CDH13: variants seen among roughly 807,000 people sequenced by gnomAD.
CDH13 encodes cadherin-13.
In CDH13, 24 loss-of-function variants were observed where a neutral mutation model predicts 63.8. That is an observed-to-expected ratio of 0.38 (90% confidence interval 0.27 to 0.53). The LOEUF is 0.53. Among genes scored for constraint, CDH13 ranks in the 20% least tolerant of loss-of-function variants. The probability of loss-of-function intolerance (pLI) is 0.85; values close to 1 mark genes in which losing one functional copy is unlikely to be tolerated. For missense variants in CDH13, 1,049 were observed against 903.1 expected (o/e 1.16, Z -2.07); for synonymous variants, 503 against 355.3 (o/e 1.42, Z -4.67).
intron 6 of CDH13, among the ~76,000 whole-genome samples, chr16:83,356,151 G>T (rs554044484): frequency 1.3e-5 from 2 of 151,666 alleles, no homozygotes; most frequent in South Asian, 2.1e-4. Context: ...TAATTCCAAA[G>T]TTGCTACCTT....
At position 83,217,133 on chromosome 16, in the gene CDH13, T is replaced by A. The variant is rs528134249; in HGVS notation, c.484-212T>A. Among the ~76,000 whole-genome samples, 11 of 152,346 alleles carry A rather than the reference T, an allele frequency of 7.2e-5. No homozygotes were observed. In the South Asian group the frequency reaches 1.4e-3, roughly 20 times the overall value. On this transcript the variant is annotated intron_variant, in intron 4 of 13. Transcript: ENST00000567109. ...GTCACCCGAGTGCTGGTAAGCTTCC[T>A]CAGCTGCCAGCTGCAAAGACGTGGA...
At chr16:83,433,739 A>G (rs181710595) in intron 6 of CDH13, among the ~76,000 whole-genome samples, 7 of 152,324 alleles carry the variant, frequency 4.6e-5, no homozygotes, top group Non-Finnish European at 7.3e-5. Flanking sequence ...CCTTGAATGT[A>G]CCATTAGCTA....
At chr16:83,420,146 T>G (rs1336253679) in intron 6 of CDH13, among the ~76,000 whole-genome samples, 3 of 152,130 alleles carry the variant, frequency 2.0e-5, no homozygotes, top group Non-Finnish European at 4.4e-5. Context: ...AGAGCTAGGT[T>G]CCATAGATGC....
At chr16:83,530,482 G>A (rs891508775) in intron 7 of CDH13, among the ~76,000 whole-genome samples, 13 of 152,192 alleles carry the variant, frequency 8.5e-5, no homozygotes, top group Admixed American at 1.3e-4. Context: ...TGAGAGCACT[G>A]TGGCTCTGTC....
At chr16:83,317,823 A>C (rs2090138981) in intron 5 of CDH13, among the ~76,000 whole-genome samples, 1 of 151,378 alleles carries the variant, frequency 6.6e-6, no homozygotes, top group African/African-American at 2.4e-5. Context: ...AAAGGAATCC[A>C]GTCTGCCACA....
chr16:82,927,248 T>TG (rs1273940267), intron 2 of CDH13, among the ~76,000 whole-genome samples: 1 of 152,148 alleles, frequency 6.6e-6, no homozygotes, highest in Non-Finnish European at 1.5e-5. Context: ...TTATAGCAGT[T>TG]GGGGCAGTCA....
At chr16:82,654,425 C>T (rs1274811924) in intron 1 of CDH13, among the ~76,000 whole-genome samples, 3 of 152,154 alleles carry the variant, frequency 2.0e-5, no homozygotes, top group African/African-American at 7.2e-5. Flanking sequence ...GAAAACTTCT[C>T]TTGGTTCTCA....
intron 2 of CDH13, among the ~76,000 whole-genome samples, chr16:82,923,076 A>C (rs2042204418): frequency 6.6e-6 from 1 of 152,230 alleles, no homozygotes; most frequent in South Asian, 2.1e-4. Context: ...GTTGACATAG[A>C]GACTCAAAGA....
intron 3 of CDH13, among the ~76,000 whole-genome samples, chr16:83,082,519 A>G (rs965477303): frequency 2.0e-5 from 3 of 151,866 alleles, no homozygotes; most frequent in African/African-American, 7.3e-5. Flanking sequence ...TGTAATCCAA[A>G]CTATTTGGAA....
Position 83,748,251 on chromosome 16 carries a change from G to A in CDH13, c.1681+1G>A. 6.2e-7 allele frequency: 1 copy of A among 1,604,978 alleles called. No homozygotes were observed. Among genetic ancestry groups the A allele is most frequent in the Non-Finnish European group, 8.5e-7 (1 of 1,173,076 alleles). ...GCTCTCTTCCTGGCAATTGACAGTG[G>A]TGAGTACTTGACAAAGACCATCAAG... On this transcript the variant is annotated splice_donor_variant, in intron 11 of 13. Transcript: ENST00000567109. LOFTEE classifies it high-confidence loss of function.
intron 2 of CDH13, among the ~76,000 whole-genome samples, chr16:82,909,560 G>A (rs191264382): frequency 6.7e-6 from 1 of 149,468 alleles, no homozygotes; most frequent in South Asian, 2.1e-4. Context: ...CATGGCTGGG[G>A]AGACCTCACA....
intron 3 of CDH13, among the ~76,000 whole-genome samples, chr16:83,038,642 G>A (rs1268244793): frequency 6.6e-6 from 1 of 152,166 alleles, no homozygotes; most frequent in Non-Finnish European, 1.5e-5. Flanking sequence ...AGTGGATGAG[G>A]GGTCTGCGTG....
intron 1 of CDH13, among the ~76,000 whole-genome samples, chr16:82,852,559 T>C (rs376652847): frequency 4.5e-4 from 69 of 152,340 alleles, no homozygotes; most frequent in African/African-American, 1.6e-3. Flanking sequence ...CTTAGTCACA[T>C]GTCTAAAATT....
At chr16:82,782,793 C>T (rs890251245) in intron 1 of CDH13, among the ~76,000 whole-genome samples, 2 of 152,188 alleles carry the variant, frequency 1.3e-5, no homozygotes, top group Non-Finnish European at 2.9e-5. Flanking sequence ...GGTGAAGCTG[C>T]AGGAATCCTG....
intron 4 of CDH13, among the ~76,000 whole-genome samples, chr16:83,211,418 T>A (rs931552208): frequency 6.6e-6 from 1 of 152,152 alleles, no homozygotes. Flanking sequence ...TCAACCACAT[T>A]GAGTAGAAAT....
At chr16:83,662,999 C>G (rs1254800083) in intron 8 of CDH13, among the ~76,000 whole-genome samples, 1 of 152,188 alleles carries the variant, frequency 6.6e-6, no homozygotes, top group Non-Finnish European at 1.5e-5. Context: ...CTCAATTTCT[C>G]CATTCTTTTG....
chr16:83,243,988 A>G (rs1904733271), intron 5 of CDH13, among the ~76,000 whole-genome samples: 1 of 152,174 alleles, frequency 6.6e-6, no homozygotes, highest in Non-Finnish European at 1.5e-5. Flanking sequence ...AAGGGCTTTC[A>G]TGGAACCATA....
chr16:83,209,680 A>G (rs2039284133), intron 4 of CDH13, among the ~76,000 whole-genome samples: 1 of 152,116 alleles, frequency 6.6e-6, no homozygotes, highest in Admixed American at 6.5e-5. Flanking sequence ...GGAATGTGAA[A>G]GAGAATAAGA....
chr16:83,569,141 C>G (rs974842830), intron 7 of CDH13, among the ~76,000 whole-genome samples: 2 of 152,036 alleles, frequency 1.3e-5, no homozygotes, highest in Non-Finnish European at 2.9e-5. Flanking sequence ...AGGACCTTGC[C>G]TGCCCTCTGT....
Sources: gnomAD v4.1 joint callset for allele counts (sites outside exome capture counted in the v4.1 genomes callset) on GRCh38, gnomAD v4.1.1 for gene constraint, MANE v1.5 for transcripts, NCBI Gene and HGNC (gene_info 2026-07-23, HGNC 2026-07-21) for gene names.